Variants in ATL3 observed in about 807,000 individuals in gnomAD.
The protein encoded by ATL3 is atlastin-3.
A neutral mutation model predicts 69.5 loss-of-function variants in ATL3; 49 were observed. The observed-to-expected ratio is 0.71, with a 90% confidence interval of 0.56 to 0.89. ATL3 has a LOEUF of 0.89. Ranked by LOEUF, ATL3 falls within the 40% of genes least tolerant of loss-of-function variation. ATL3 has a pLI of 0.00. For missense variants in ATL3, 606 were observed against 645.7 expected, an observed-to-expected ratio of 0.94 and a Z score of 0.67; for synonymous variants, 214 against 224.1, an observed-to-expected ratio of 0.95 and a Z score of 0.40.
At chr11:63,665,827 A>T (rs1283243120) in intron 1 of ATL3, among the ~76,000 whole-genome samples, 2 of 151,908 alleles carry the variant, frequency 1.3e-5, no homozygotes, top group African/African-American at 2.4e-5. Flanking sequence ...TAAGTCAACC[A>T]CTGCACTACA....
Position 63,631,413 on chromosome 11 carries a change from TCA to T in ATL3, c.1164_1165del (p.Cys388Ter). The T allele has an allele frequency of 6.2e-7, 1 of 1,614,182 alleles. No homozygotes were observed. Among genetic ancestry groups the T allele is most frequent in the Non-Finnish European group, 8.5e-7 (1 of 1,180,034 alleles). ...ATGGTCCAGAGCAAGTTGTTTGAAT[TCA>T]CAGTGCTTCTCCTCTAGAATGTCTG... is the stretch of plus-strand genomic sequence containing the variant. On this transcript the variant is annotated stop_gained and frameshift_variant, in exon 12 of 13. Coordinates refer to ENST00000398868, the MANE Select transcript of ATL3 (RefSeq NM_015459.5). LOFTEE classifies it high-confidence loss of function.
chr11:63,658,688 T>G (rs1940331361), intron 3 of ATL3, 73 bp downstream of exon 3: 2 of 1,474,566 alleles, frequency 1.4e-6, no homozygotes, highest in Admixed American at 4.8e-5. Context: ...TTTAATTGGG[T>G]TAACACAGTA....
intron 5 of ATL3, 78 bp downstream of exon 5, chr11:63,651,857 AC>A: frequency 6.7e-7 from 1 of 1,498,172 alleles, no homozygotes; most frequent in Non-Finnish European, 8.9e-7. Context: ...TTTGCTAAAA[AC>A]TACTCAGTTG....
chr11:63,648,808 C>CT (rs755851165), intron 5 of ATL3, among the ~76,000 whole-genome samples: 10 of 149,402 alleles, frequency 6.7e-5, no homozygotes, highest in Non-Finnish European at 1.0e-4. Flanking sequence ...GACTCTGTCT[C>CT]TAAAAAAAAA....
chr11:63,638,227 C>G (rs557176654), intron 8 of ATL3, among the ~76,000 whole-genome samples: 65 of 152,238 alleles, frequency 4.3e-4, no homozygotes, highest in Admixed American at 3.5e-3. Flanking sequence ...ATAACAGAAA[C>G]AAACTCAATC....
chr11:63,667,488 G>A (rs755486679), intron 1 of ATL3, among the ~76,000 whole-genome samples: 4 of 152,074 alleles, frequency 2.6e-5, no homozygotes, highest in Non-Finnish European at 4.4e-5. Flanking sequence ...TGGGCCGGGT[G>A]CAATGGCTCA....
At chr11:63,671,685 C>T (rs1224350149), upstream of ATL3, 4 of 1,332,978 alleles carry the variant, frequency 3.0e-6, no homozygotes, top group Admixed American at 4.8e-5. Context: ...TGTAGTCCCG[C>T]GCTCACTGGG....
At chr11:63,651,883 A>T in intron 5 of ATL3, 53 bp downstream of exon 5, 1 of 1,550,144 alleles carries the variant, frequency 6.5e-7, no homozygotes, top group Non-Finnish European at 8.6e-7. Context: ...ATGTTCCTTA[A>T]TCTTAAAACT....
In ATL3 at chr11:63,635,536, G is replaced by C; in HGVS notation, c.1033C>G (p.Gln345Glu). Residue 345 changes from glutamine (Q) to glutamate (E), a missense_variant and splice_region_variant, in exon 10 of 13, where the codon CAG (glutamine) becomes GAG (glutamate). By Grantham distance (29) the Gln-to-Glu change is conservative (BLOSUM62 2). Transcript: ENST00000398868. ...TAGGATGTCAAATCATTGTTTACCT[G>C]AAGCATGGACTTGGGGTGAGGCAGA... The part of the protein sequence containing the change: ...EDLPHPKSML[Q>E]ATAEANNLAA... 6.2e-7 allele frequency: 1 copy of C among 1,611,638 alleles called. No individual in the cohort carries two copies. Among genetic ancestry groups the C allele is most frequent in the Non-Finnish European group, 8.5e-7 (1 of 1,178,008 alleles).
chr11:63,661,331 C>G (rs1044166963), intron 1 of ATL3, among the ~76,000 whole-genome samples: 2 of 152,040 alleles, frequency 1.3e-5, no homozygotes, highest in Non-Finnish European at 2.9e-5. Flanking sequence ...TTTTGCATAT[C>G]ACTAGTAATA....
intron 5 of ATL3, among the ~76,000 whole-genome samples, chr11:63,647,056 T>C (rs1050228295): frequency 2.6e-5 from 4 of 152,132 alleles, no homozygotes; most frequent in African/African-American, 7.2e-5. Context: ...AACTATAAGT[T>C]CTTCTCCCAA....
Position 63,643,510 on chromosome 11 carries a change from C to G in ATL3, c.712-15G>C, listed in dbSNP as rs1488674154. ...TGTTCCTTCACCTGCCAATGAAGAC[C>G]AAGAATTTACCAACCAAAAGTCATT... On this transcript the variant is annotated splice_polypyrimidine_tract_variant and intron_variant, in intron 7 of 12. Transcript: ENST00000398868. The G allele has an allele frequency of 1.3e-6, 2 of 1,598,142 alleles. No homozygotes were observed. Among genetic ancestry groups the G allele is most frequent in the African/African-American group, 2.7e-5 (2 of 74,586 alleles).
intron 6 of ATL3, 81 bp from the exon 7 acceptor site, chr11:63,644,342 A>C: frequency 1.2e-6 from 1 of 825,108 alleles, no homozygotes; most frequent in Non-Finnish European, 2.0e-6. Flanking sequence ...TCTTTGCATA[A>C]TGCCAGCTTC....
Position 63,627,934 on chromosome 11 carries a change from C to A in ATL3, c.*1385G>T, listed in dbSNP as rs768921536. The A allele has an allele frequency of 1.3e-5, 2 of 152,118 alleles. No individual in the cohort carries two copies. Among genetic ancestry groups the A allele is most frequent in the African/African-American group, 4.8e-5 (2 of 41,430 alleles). The allele number at this position is 152,118 out of a possible 1,614,324, so 9.4% of individuals were successfully genotyped here. A position where few individuals can be genotyped will look rare whatever the true frequency, so the allele number is the denominator to read the frequency against. On this transcript the variant is annotated 3_prime_UTR_variant, in exon 13 of 13. Coordinates refer to ENST00000398868, the MANE Select transcript of ATL3 (RefSeq NM_015459.5). ...GCTTCATTATTAAGAACATTAGACA[C>A]GGCAGAGAATGCAAATTAACATTCT... is the stretch of plus-strand genomic sequence containing the variant.
At chr11:63,659,940 T>C (rs1320672159) in intron 1 of ATL3, among the ~76,000 whole-genome samples, 1 of 151,938 alleles carries the variant, frequency 6.6e-6, no homozygotes, top group Non-Finnish European at 1.5e-5. Context: ...TGTCTCAAGT[T>C]AATGGGTGCA....
rs1053075792 is a variant in ATL3 at position 63,655,947 on chromosome 11, T to G, written c.405+2814A>C. Among the ~76,000 whole-genome samples, 19 of 152,226 alleles carry G rather than the reference T, an allele frequency of 1.2e-4. No individual in the cohort carries two copies. The East Asian group carries it at 2.3e-3, about 19-fold the overall frequency. On this transcript the variant is annotated intron_variant, in intron 3 of 12. Transcript: ENST00000398868. ...ACAAATAACATGAACTACATCAGCC[T>G]GGCGCAGTGGCTCACGCCTATAATC...
intron 3 of ATL3, among the ~76,000 whole-genome samples, chr11:63,655,130 G>A: frequency 1.3e-5 from 2 of 152,226 alleles, no homozygotes; most frequent in East Asian, 3.9e-4. Flanking sequence ...GGAAACTCTG[G>A]TTTTTTCTGT....
In ATL3 at chr11:63,635,555, A is replaced by T; in HGVS notation, c.1014T>A (p.Pro338=). 6.2e-7 allele frequency: 1 copy of T among 1,612,492 alleles called. No individual in the cohort carries two copies. Residue 338 remains proline, a synonymous_variant, in exon 10 of 13, where the codon CCT becomes CCA. Coordinates refer to ENST00000398868, the MANE Select transcript of ATL3 (RefSeq NM_015459.5). ...TTACCTGAAGCATGGACTTGGGGTGAGGCAGATCTTCTCCTTGATAAATTT... is the reference window on the plus strand; with the variant it reads ...TTACCTGAAGCATGGACTTGGGGTGTGGCAGATCTTCTCCTTGATAAATTT... ...YIKIYQGEDL[P]HPKSMLQATA... is the part of the protein sequence containing the mutation.
intron 6 of ATL3, among the ~76,000 whole-genome samples, chr11:63,646,222 C>G (rs898105021): frequency 3.9e-5 from 6 of 152,134 alleles, no homozygotes; most frequent in Non-Finnish European, 8.8e-5. Context: ...ATTACTCTGC[C>G]GTTGTAGCAG....
Sources: gnomAD v4.1 joint callset for allele counts (sites outside exome capture counted in the v4.1 genomes callset) on GRCh38, gnomAD v4.1.1 for gene constraint, MANE v1.5 for transcripts, NCBI Gene and HGNC (gene_info 2026-07-23, HGNC 2026-07-21) for gene names.